Variants in RARB observed in about 807,000 individuals in gnomAD.
RARB encodes retinoic acid receptor beta.
In RARB, 17 loss-of-function variants were observed where a neutral mutation model predicts 51.9. The ratio of observed to expected loss-of-function variants is 0.33; its 90% CI spans 0.22 to 0.49. The LOEUF (loss-of-function observed/expected upper bound fraction) is 0.49, where lower values mean the gene tolerates loss of function less well. Among genes scored for constraint, RARB ranks in the 20% least tolerant of loss-of-function variants. The pLI is 0.99. For synonymous variants in RARB, 215 were observed against 195.4 expected (o/e 1.10, Z -0.84); for missense variants, 369 against 550.8 (o/e 0.67, Z 3.30).
intron 5 of RARB, among the ~76,000 whole-genome samples, chr3:25,588,618 G>A (rs1281538795): frequency 3.3e-5 from 5 of 152,188 alleles, no homozygotes; most frequent in Non-Finnish European, 5.9e-5. Context: ...TTCATTGGGT[G>A]GTTCTGGCTC....
intron 2 of RARB, among the ~76,000 whole-genome samples, chr3:25,487,293 C>A (rs141896247): frequency 1.3e-5 from 2 of 152,176 alleles, no homozygotes; most frequent in Non-Finnish European, 2.9e-5. Flanking sequence ...ATAATAGACC[C>A]CATTGCTTCT....
intron 5 of RARB, among the ~76,000 whole-genome samples, chr3:25,297,631 G>A (rs779178611): frequency 8.6e-5 from 13 of 151,906 alleles, no homozygotes; most frequent in Non-Finnish European, 1.5e-4. Context: ...TCTTCGTGGG[G>A]ATTTTTTTCC....
At chr3:24,902,489 G>T (rs994817572) in intron 2 of RARB, among the ~76,000 whole-genome samples, 1 of 152,102 alleles carries the variant, frequency 6.6e-6, no homozygotes, top group African/African-American at 2.4e-5. Context: ...AGTGCTTTAA[G>T]GTTTAGACAT....
chr3:25,056,119 G>A (rs563941227), intron 2 of RARB, among the ~76,000 whole-genome samples: 75 of 152,218 alleles, frequency 4.9e-4, no homozygotes, highest in African/African-American at 1.7e-3. Context: ...GAGGTTTCAG[G>A]GGGTCAAGAG....
At chr3:25,061,254 G>A (rs1387070900) in intron 3 of RARB, among the ~76,000 whole-genome samples, 1 of 151,624 alleles carries the variant, frequency 6.6e-6, no homozygotes, top group East Asian at 1.9e-4. Flanking sequence ...TATTATTTTG[G>A]GAGAAAGATA....
chr3:25,583,778 CTTTGAGTTTCATG>C (rs1368315488), intron 5 of RARB, among the ~76,000 whole-genome samples: 1 of 152,224 alleles, frequency 6.6e-6, no homozygotes, highest in Non-Finnish European at 1.5e-5. Context: ...TGAGGCCACA[CTTTGAGTTTCATG>C]TTTTCCCACA....
At chr3:24,933,179 C>G (rs189966148) in intron 2 of RARB, among the ~76,000 whole-genome samples, 67 of 152,028 alleles carry the variant, frequency 4.4e-4, no homozygotes, top group African/African-American at 1.6e-3. Flanking sequence ...TATGCAAATC[C>G]TATAAAAACA....
chr3:25,443,375 C>A (rs1427282052), intron 1 of RARB, among the ~76,000 whole-genome samples: 8 of 152,038 alleles, frequency 5.3e-5, no homozygotes, highest in Non-Finnish European at 8.8e-5. Context: ...ATGGTACTTC[C>A]TGTTAGCCAG....
chr3:24,983,002 A>C (rs1696710139), intron 2 of RARB, among the ~76,000 whole-genome samples: 2 of 152,248 alleles, frequency 1.3e-5, no homozygotes, highest in Admixed American at 6.5e-5. Context: ...AAACATATAC[A>C]TATATTAAAT....
intron 1 of RARB, among the ~76,000 whole-genome samples, chr3:25,440,568 C>T (rs1298645853): frequency 1.3e-5 from 2 of 151,992 alleles, no homozygotes; most frequent in Non-Finnish European, 2.9e-5. Context: ...GTCAGGAATT[C>T]GAGACCAGAC....
intron 2 of RARB, among the ~76,000 whole-genome samples, chr3:25,023,373 G>T (rs1697677927): frequency 6.6e-6 from 1 of 152,170 alleles, no homozygotes; most frequent in Non-Finnish European, 1.5e-5. Context: ...TAAAATGATG[G>T]CTTCTTTGTC....
At chr3:25,225,756 C>A in intron 5 of RARB, among the ~76,000 whole-genome samples, 1 of 152,062 alleles carries the variant, frequency 6.6e-6, no homozygotes, top group East Asian at 1.9e-4. Context: ...TAACCAACAC[C>A]AATATTGACA....
chr3:25,434,831 A>G (rs1034670662), intron 1 of RARB, among the ~76,000 whole-genome samples: 1 of 151,836 alleles, frequency 6.6e-6, no homozygotes, highest in Non-Finnish European at 1.5e-5. Context: ...TGAGCCACCG[A>G]GCCCGGCCTT....
At chr3:24,946,149 C>A (rs1695768437) in intron 2 of RARB, among the ~76,000 whole-genome samples, 1 of 151,316 alleles carries the variant, frequency 6.6e-6, no homozygotes, top group African/African-American at 2.4e-5. Context: ...CCTGTAGTCC[C>A]AGCTACTCGG....
chr3:25,187,901 C>T (rs1447040208), intron 5 of RARB, among the ~76,000 whole-genome samples: 1 of 151,984 alleles, frequency 6.6e-6, no homozygotes, highest in African/African-American at 2.4e-5. Flanking sequence ...CAGATATTAG[C>T]ACAGACATGT....
At chr3:24,964,180 G>A (rs1269789697) in intron 2 of RARB, among the ~76,000 whole-genome samples, 7 of 150,942 alleles carry the variant, frequency 4.6e-5, no homozygotes, top group Non-Finnish European at 5.9e-5. Flanking sequence ...TCTTTTTTGT[G>A]TATAAAAAGT....
chr3:25,089,814 G>A (rs1372123162), intron 3 of RARB, among the ~76,000 whole-genome samples: 2 of 152,066 alleles, frequency 1.3e-5, no homozygotes, highest in Non-Finnish European at 2.9e-5. Context: ...GAGTCAAGAT[G>A]GAAATAGTGC....
chr3:25,371,911 G>A lies in RARB; in HGVS notation c.179-89282G>A, dbSNP rs142436526. Among the ~76,000 whole-genome samples the A allele has an allele frequency of 1.1e-3, 161 of 152,288 alleles. 1 individual carries two copies. The Middle Eastern group carries it at 0.017, about 16-fold the overall frequency. On this transcript the variant is annotated intron_variant, in intron 5 of 11. Coordinates refer to the RARB transcript ENST00000383772. ...AGGAGTGTTGAGGTTGAGTGGTCAG[G>A]GAAGGCCCCACTGAGGAGATGGATT...
chr3:25,192,003 T>C (rs1443859630), intron 5 of RARB, among the ~76,000 whole-genome samples: 3 of 152,114 alleles, frequency 2.0e-5, no homozygotes, highest in East Asian at 1.9e-4. Context: ...ACGGCAGTTA[T>C]TCTGGAAGTA....
Sources: gnomAD v4.1 joint callset for allele counts (sites outside exome capture counted in the v4.1 genomes callset) on GRCh38, gnomAD v4.1.1 for gene constraint, MANE v1.5 for transcripts, NCBI Gene and HGNC (gene_info 2026-07-23, HGNC 2026-07-21) for gene names.